Variants in PTPRD observed in about 807,000 individuals in gnomAD.
PTPRD encodes the protein receptor-type tyrosine-protein phosphatase delta.
A neutral mutation model predicts 214.5 loss-of-function variants in PTPRD; 34 were observed. That is an observed-to-expected ratio of 0.16 (90% confidence interval 0.12 to 0.21). The LOEUF (loss-of-function observed/expected upper bound fraction) is 0.21. PTPRD is among the 10% of genes least tolerant of loss of function. The pLI is 1.00. For missense variants in PTPRD, 2,545 were observed against 2,398.7 expected, an observed-to-expected ratio of 1.06 and a Z score of -1.27; for synonymous variants, 1,128 against 845.7, an observed-to-expected ratio of 1.33 and a Z score of -5.79.
At chr9:9,244,239 C>T (rs2131178606) in intron 9 of PTPRD, among the ~76,000 whole-genome samples, 2 of 152,128 alleles carry the variant, frequency 1.3e-5, no homozygotes, top group South Asian at 4.1e-4. Flanking sequence ...TCAATGCCAT[C>T]CCCATCTAGC....
At chr9:10,426,002 T>C (rs2098610535) in intron 2 of PTPRD, among the ~76,000 whole-genome samples, 1 of 151,944 alleles carries the variant, frequency 6.6e-6, no homozygotes, top group South Asian at 2.1e-4. Context: ...GAAGTATATA[T>C]ACATACATAC....
At chr9:10,093,117 T>C (rs531785442) in intron 3 of PTPRD, among the ~76,000 whole-genome samples, 1 of 151,654 alleles carries the variant, frequency 6.6e-6, no homozygotes, top group South Asian at 2.1e-4. Flanking sequence ...CTAATTAAAC[T>C]AAAGCCCTTC....
chr9:9,687,134 T>C (rs1026790925), intron 7 of PTPRD, among the ~76,000 whole-genome samples: 3 of 151,684 alleles, frequency 2.0e-5, no homozygotes, highest in African/African-American at 7.3e-5. Context: ...GCCAAATGCA[T>C]AAACAAAACA....
intron 8 of PTPRD, among the ~76,000 whole-genome samples, chr9:9,470,582 T>G (rs961074563): frequency 6.6e-6 from 1 of 152,204 alleles, no homozygotes; most frequent in African/African-American, 2.4e-5. Flanking sequence ...AATAAACATT[T>G]TGAAATAAAG....
At chr9:8,599,703 G>A (rs954717614) in intron 14 of PTPRD, among the ~76,000 whole-genome samples, 3 of 137,584 alleles carry the variant, frequency 2.2e-5, no homozygotes, top group Non-Finnish European at 3.0e-5. Flanking sequence ...TGCAACCTCC[G>A]CCTCCTGGGT....
intron 2 of PTPRD, among the ~76,000 whole-genome samples, chr9:10,482,270 C>T (rs981095547): frequency 6.6e-6 from 1 of 151,892 alleles, no homozygotes; most frequent in Non-Finnish European, 1.5e-5. Context: ...ACTGAGGAGG[C>T]TGAGGCAGGA....
At chr9:9,505,431 T>C (rs1433362328) in intron 8 of PTPRD, among the ~76,000 whole-genome samples, 1 of 151,530 alleles carries the variant, frequency 6.6e-6, no homozygotes, top group Non-Finnish European at 1.5e-5. Flanking sequence ...ATATTTAGAA[T>C]CCACAGATTA....
rs534864663 is a variant in PTPRD at position 8,603,519 on chromosome 9, C to T, written c.352+29798G>A. Among the ~76,000 whole-genome samples the T allele has an allele frequency of 3.3e-5, 5 of 152,178 alleles. No individual in the cohort carries two copies. The East Asian group carries it at 5.8e-4, about 18-fold the overall frequency. On this transcript the variant is annotated intron_variant, in intron 14 of 45. Transcript: ENST00000381196. ...TTATTTGAGAACTTTTTTCCTATAA[C>T]GTGAATAAAAAGAAGAACCTTAGCA...
intron 3 of PTPRD, among the ~76,000 whole-genome samples, chr9:10,155,812 T>C (rs2099089108): frequency 6.6e-6 from 1 of 152,212 alleles, no homozygotes; most frequent in Middle Eastern, 3.4e-3. Context: ...TTGTGGTGGA[T>C]AAGCTTTTTT....
chr9:10,400,337 T>C lies in PTPRD; in HGVS notation c.-599-59320A>G, dbSNP rs1211739468. Among the ~76,000 whole-genome samples, 10 of 152,006 alleles carry C rather than the reference T, an allele frequency of 6.6e-5. No individual in the cohort carries two copies. In the South Asian group the frequency reaches 1.2e-3, roughly 19 times the overall value. On this transcript the variant is annotated intron_variant, in intron 2 of 45. Coordinates refer to ENST00000381196, the MANE Select transcript of PTPRD (RefSeq NM_002839.4). ...ATTAATGTGGTTATTATATTATTAC[T>C]ATTATCATTTTCTCTAGTCAAGACA...
At chr9:8,732,743 A>G (rs1335526069) in intron 12 of PTPRD, among the ~76,000 whole-genome samples, 1 of 152,166 alleles carries the variant, frequency 6.6e-6, no homozygotes, top group African/African-American at 2.4e-5. Flanking sequence ...TAGAGCTCCT[A>G]TTTCCATGAA....
At chr9:9,892,240 G>C (rs534387763) in intron 5 of PTPRD, among the ~76,000 whole-genome samples, 2 of 152,140 alleles carry the variant, frequency 1.3e-5, no homozygotes, top group South Asian at 2.1e-4. Context: ...GAAAGGAATG[G>C]ATATTTAAAT....
chr9:9,158,299 G>A (rs543057622), intron 10 of PTPRD, among the ~76,000 whole-genome samples: 8 of 152,096 alleles, frequency 5.3e-5, no homozygotes, highest in Middle Eastern at 3.4e-3. Context: ...CCACACTGTC[G>A]TCAACAATCT....
chr9:9,581,512 G>A (rs2090760805), intron 7 of PTPRD, among the ~76,000 whole-genome samples: 2 of 152,146 alleles, frequency 1.3e-5, no homozygotes, highest in African/African-American at 2.4e-5. Flanking sequence ...ATAATTGTAG[G>A]CAACATATTT....
At chr9:9,352,454 A>C (rs1439125923) in intron 9 of PTPRD, among the ~76,000 whole-genome samples, 1 of 150,904 alleles carries the variant, frequency 6.6e-6, no homozygotes, top group Non-Finnish European at 1.5e-5. Flanking sequence ...AGGCAAATTT[A>C]TTTTTTCTCC....
At chr9:10,056,136 C>G (rs1359588417) in intron 3 of PTPRD, among the ~76,000 whole-genome samples, 2 of 151,804 alleles carry the variant, frequency 1.3e-5, no homozygotes, top group East Asian at 3.9e-4. Context: ...GCCTGACCAA[C>G]ATGGTAAAGC....
chr9:10,537,793 ACT>A (rs1470016701), intron 2 of PTPRD, among the ~76,000 whole-genome samples: 1 of 152,128 alleles, frequency 6.6e-6, no homozygotes, highest in African/African-American at 2.4e-5. Flanking sequence ...ATCTTACATG[ACT>A]TAAACTGAAA....
chr9:9,284,119 C>T (rs150345842), intron 9 of PTPRD, among the ~76,000 whole-genome samples: 2 of 151,710 alleles, frequency 1.3e-5, no homozygotes, highest in Admixed American at 1.3e-4. Context: ...CAGGATTAGT[C>T]AGAGGAACTA....
intron 3 of PTPRD, among the ~76,000 whole-genome samples, chr9:10,150,881 G>C (rs1353841710): frequency 1.3e-5 from 2 of 151,826 alleles, no homozygotes; most frequent in Admixed American, 6.6e-5. Flanking sequence ...AAATTTTATA[G>C]TATCCCCAAA....
Sources: allele counts gnomAD v4.1 joint callset (sites outside exome capture counted in the v4.1 genomes callset), GRCh38; gene constraint gnomAD v4.1.1; transcripts MANE v1.5; gene names NCBI Gene and HGNC (gene_info 2026-07-23, HGNC 2026-07-21).